C9orf72: variants seen among roughly 807,000 people sequenced by gnomAD.
The protein encoded by C9orf72 is C9orf72-SMCR8 complex subunit.
A neutral mutation model predicts 51.6 loss-of-function variants in C9orf72; 44 were observed. That is an observed-to-expected ratio of 0.85 (90% CI 0.67 to 1.10). The LOEUF is 1.10. C9orf72 is among the 50% of genes least tolerant of loss of function. C9orf72 has a pLI of 0.00. For missense variants in C9orf72, 607 were observed against 570.6 expected, an observed-to-expected ratio of 1.06 and a Z score of -0.65; for synonymous variants, 213 against 194.2, an observed-to-expected ratio of 1.10 and a Z score of -0.81.
chr9:27,563,011 TCTC>T (rs1245773664), intron 3 of C9orf72, among the ~76,000 whole-genome samples: 4 of 146,098 alleles, frequency 2.7e-5, no homozygotes, highest in Non-Finnish European at 4.5e-5. Context: ...TTAGAAAAGA[TCTC>T]CTTTAAAATT....
intron 4 of C9orf72, 23 bp from the exon 5 acceptor site, chr9:27,561,672 A>C: frequency 6.8e-7 from 1 of 1,465,374 alleles, no homozygotes; most frequent in South Asian, 1.2e-5. Flanking sequence ...AAAAAATAAA[A>C]AAATTAGTCT....
intron 5 of C9orf72, chr9:27,560,600 G>T: frequency 1.8e-5 from 17 of 928,596 alleles, no homozygotes; most frequent in Non-Finnish European, 2.2e-5. Flanking sequence ...GACATGTAGA[G>T]AGATTAAGTG....
In C9orf72 at chr9:27,548,434, G is replaced by GT. The variant is rs772249544; in HGVS notation, c.1260-13_1260-12insA. The stretch of plus-strand genomic sequence containing the variant: ...TTTTTCCCTTCTGCCTAAAAATAAT[G>GT]GAAAAAAAAAAAAAAAAAAAAAAAA... On this transcript the variant is annotated splice_polypyrimidine_tract_variant and intron_variant, in intron 10 of 10. Coordinates refer to ENST00000380003, the MANE Select transcript of C9orf72 (RefSeq NM_018325.5). 4.1e-4 allele frequency: 33 copies of GT among 80,694 alleles called. No individual in the cohort carries two copies. Among genetic ancestry groups the GT allele is most frequent in the African/African-American group, 7.7e-4 (2 of 2,596 alleles). The allele number at this position is 80,694 out of a possible 1,614,324, so 5.0% of individuals were successfully genotyped here. A position where few individuals can be genotyped will look rare whatever the true frequency, so the allele number is the denominator to read the frequency against.
Position 27,548,527 on chromosome 9 carries a change from G to T in C9orf72, c.1259+30C>A, listed in dbSNP as rs779161252. 2.4e-5 allele frequency: 36 copies of T among 1,504,692 alleles called. No homozygotes were observed. The South Asian group carries it at 4.1e-4, about 17-fold the overall frequency. 93.2% of individuals were successfully genotyped at this position (1,504,692 alleles called of 1,614,324 possible). A position where few individuals can be genotyped will look rare whatever the true frequency, so the allele number is the denominator to read the frequency against. On this transcript the variant is annotated intron_variant, in intron 10 of 10. Transcript: ENST00000380003. ...CAAAACAAAAAAACAATGTACAAAGGTTTTTCTTCCGTGTAGGAGTTTTAC... is the reference window on the plus strand; with the variant it reads ...CAAAACAAAAAAACAATGTACAAAGTTTTTTCTTCCGTGTAGGAGTTTTAC...
chr9:27,565,931 A>G (rs1819457404), intron 2 of C9orf72, among the ~76,000 whole-genome samples: 1 of 152,198 alleles, frequency 6.6e-6, no homozygotes, highest in Non-Finnish European at 1.5e-5. Context: ...CCTGATTTTA[A>G]GAGTTTCATA....
intron 1 of C9orf72, among the ~76,000 whole-genome samples, chr9:27,568,675 T>G (rs568588879): frequency 5.9e-5 from 9 of 152,344 alleles, no homozygotes; most frequent in East Asian, 1.9e-4. Flanking sequence ...TTAGTGACAC[T>G]GTAACCATCA....
chr9:27,550,003 A>G (rs1481209996), intron 9 of C9orf72, among the ~76,000 whole-genome samples: 3 of 151,148 alleles, frequency 2.0e-5, no homozygotes, highest in Non-Finnish European at 4.4e-5. Context: ...TATAAATGTT[A>G]AAATATATAT....
At chr9:27,569,982 CAT>C (rs1373821632) in intron 1 of C9orf72, among the ~76,000 whole-genome samples, 1 of 152,188 alleles carries the variant, frequency 6.6e-6, no homozygotes. Flanking sequence ...GTGCTTTTAT[CAT>C]ATTATGAGTA....
chr9:27,549,490 ACAGACCTCATAGATCT>A (rs1820860560), intron 9 of C9orf72, among the ~76,000 whole-genome samples: 1 of 152,194 alleles, frequency 6.6e-6, no homozygotes, highest in Admixed American at 6.5e-5. Context: ...GCAATATGTC[ACAGACCTCATAGATCT>A]CAATCCAAAA....
chr9:27,568,729 A>G (rs1271026172), intron 1 of C9orf72, among the ~76,000 whole-genome samples: 1 of 152,250 alleles, frequency 6.6e-6, no homozygotes, highest in African/African-American at 2.4e-5. Flanking sequence ...AGTATAGCAC[A>G]TACAATTATT....
chr9:27,558,225 T>C (rs1203030641), intron 7 of C9orf72, among the ~76,000 whole-genome samples: 1 of 144,034 alleles, frequency 6.9e-6, no homozygotes, highest in Non-Finnish European at 1.6e-5. Flanking sequence ...TTTAAGCATG[T>C]GTTAAAAAAA....
At chr9:27,551,984 G>A (rs1281116812) in intron 8 of C9orf72, among the ~76,000 whole-genome samples, 1 of 152,154 alleles carries the variant, frequency 6.6e-6, no homozygotes, top group Non-Finnish European at 1.5e-5. Context: ...ACTTTGGAAG[G>A]TGTTGGAGTA....
chr9:27,560,476 C>A (rs909800508), intron 5 of C9orf72, 177 bp from the exon 6 acceptor site: 1 of 604,110 alleles, frequency 1.7e-6, no homozygotes, highest in Non-Finnish European at 2.5e-6. Context: ...TTTCTAGAGA[C>A]CTTTCACAGA....
chr9:27,556,604 G>A lies in C9orf72; in HGVS notation c.1048C>T (p.Gln350Ter). The A allele has an allele frequency of 6.2e-7, 1 of 1,613,764 alleles. No homozygotes were observed. The highest frequency in any genetic ancestry group is 8.5e-7 in the Non-Finnish European group (1 of 1,179,840). ...TCGTCAGTGTAGATGATCGTATCCT[G>A]AGCCATGTCTTCTTCTGAAGTGGCT... ...WRATSEEDMA[Q>*]DTIIYTDESF... Residue 350 changes from glutamine (Q) to a stop codon, truncating the protein, a stop_gained, in exon 8 of 11, where the codon CAG becomes TAG. Transcript: ENST00000380003. LOFTEE classifies it high-confidence loss of function.
chr9:27,555,502 G>C (rs1820990333), intron 8 of C9orf72, among the ~76,000 whole-genome samples: 1 of 150,510 alleles, frequency 6.6e-6, no homozygotes, highest in African/African-American at 2.4e-5. Flanking sequence ...CTTAGACCTG[G>C]GTTATTACAG....
Position 27,558,474 on chromosome 9 carries a change from A to G in C9orf72, c.855+17T>C, listed in dbSNP as rs776552699. 2.2e-6 allele frequency: 3 copies of G among 1,360,268 alleles called. No individual in the cohort carries two copies. In the South Asian group the frequency reaches 3.7e-5, roughly 17 times the overall value. The allele number at this position is 1,360,268 out of a possible 1,614,324, so 84.3% of individuals were successfully genotyped here. A position where few individuals can be genotyped will look rare whatever the true frequency, so the allele number is the denominator to read the frequency against. On this transcript the variant is annotated intron_variant, in intron 7 of 10. Coordinates refer to ENST00000380003, the MANE Select transcript of C9orf72 (RefSeq NM_018325.5). ...TTTTAGAAAAGTGGTTTCACTTGTG[A>G]TAACTAGAAACTATACCTTTAGCAG... is the stretch of plus-strand genomic sequence containing the variant.
chr9:27,548,302 G>C lies in C9orf72; in HGVS notation c.1380C>G (p.His460Gln). 2 of 1,613,180 alleles carry C rather than the reference G, an allele frequency of 1.2e-6. No homozygotes were observed. Among genetic ancestry groups the C allele is most frequent in the Non-Finnish European group, 1.7e-6 (2 of 1,179,402 alleles). Residue 460 changes from histidine to glutamine, a missense_variant, in exon 11 of 11, where the codon CAC becomes CAG. His to Gln is a conservative substitution (Grantham distance 24, BLOSUM62 0). Coordinates refer to ENST00000380003, the MANE Select transcript of C9orf72 (RefSeq NM_018325.5). ...AGAAAGGTCTTCCAAAGATAAAAGA[G>C]TGTAGGCCTGGTTTAATTTTCTCAG... is the stretch of plus-strand genomic sequence containing the variant. ...ALAEKIKPGLHSFIFGRPFYT... is the reference protein window; with the variant it reads ...ALAEKIKPGLQSFIFGRPFYT...
chr9:27,566,641 A>C (rs1819472199), intron 2 of C9orf72, 36 bp downstream of exon 2: 1 of 1,404,826 alleles, frequency 7.1e-7, no homozygotes, highest in South Asian at 1.3e-5. Flanking sequence ...TTCAACAGAT[A>C]GGTTAACATG....
chr9:27,560,529 A>C, intron 5 of C9orf72: 1 of 655,324 alleles, frequency 1.5e-6, no homozygotes, highest in East Asian at 5.8e-5. Context: ...TAGTCAGTAT[A>C]ATATCATTTA....
Sources: gnomAD v4.1 joint callset for allele counts (sites outside exome capture counted in the v4.1 genomes callset) on GRCh38, gnomAD v4.1.1 for gene constraint, MANE v1.5 for transcripts, NCBI Gene and HGNC (gene_info 2026-07-23, HGNC 2026-07-21) for gene names.